The following EXOC4 variants were observed in gnomAD, a reference collection of about 807,000 sequenced individuals.
EXOC4 encodes the protein SEC8-like 1.
Under a neutral mutation model 107.2 loss-of-function variants are expected in EXOC4, and 71 were observed. That is an observed-to-expected ratio of 0.66 (90% CI 0.55 to 0.81). EXOC4 has a LOEUF of 0.81. EXOC4 is among the 30% of genes least tolerant of loss of function. EXOC4 has a pLI of 0.00. For synonymous variants in EXOC4, 456 were observed against 441.2 expected, an observed-to-expected ratio of 1.03 and a Z score of -0.42; for missense variants, 1,108 against 1,189.6, an observed-to-expected ratio of 0.93 and a Z score of 1.01.
intron 7 of EXOC4, among the ~76,000 whole-genome samples, chr7:133,439,624 A>T (rs551993704): frequency 1.3e-5 from 2 of 152,336 alleles, no homozygotes; most frequent in Admixed American, 6.5e-5. Flanking sequence ...ATTTGTGAGG[A>T]TAATGATACC....
chr7:134,060,739 T>G (rs1796037540), intron 17 of EXOC4, among the ~76,000 whole-genome samples: 1 of 152,202 alleles, frequency 6.6e-6, no homozygotes, highest in African/African-American at 2.4e-5. Flanking sequence ...ACTGTTGCTG[T>G]GTCAGTTTAG....
chr7:133,912,237 T>A (rs975388788), intron 12 of EXOC4, among the ~76,000 whole-genome samples: 1 of 152,120 alleles, frequency 6.6e-6, no homozygotes, highest in Admixed American at 6.5e-5. Context: ...AAGGGAGAGA[T>A]CATTGTAGGC....
At chr7:133,982,474 C>T (rs530513870) in intron 14 of EXOC4, among the ~76,000 whole-genome samples, 12 of 152,248 alleles carry the variant, frequency 7.9e-5, no homozygotes, top group African/African-American at 2.6e-4. Flanking sequence ...ACGGCATGAA[C>T]CCGGGAGGTG....
chr7:133,668,400 G>GT (rs1437170857), intron 10 of EXOC4, among the ~76,000 whole-genome samples: 2 of 152,108 alleles, frequency 1.3e-5, no homozygotes, highest in Admixed American at 6.5e-5. Flanking sequence ...TAACAATATA[G>GT]TTTTTTTCTT....
chr7:133,474,858 C>G (rs1352441732), intron 7 of EXOC4, among the ~76,000 whole-genome samples: 1 of 152,106 alleles, frequency 6.6e-6, no homozygotes, highest in South Asian at 2.1e-4. Flanking sequence ...ATTTCTTTAT[C>G]TATAATCTGT....
intron 10 of EXOC4, among the ~76,000 whole-genome samples, chr7:133,787,376 TGTGTGTGTGTGTGA>T (rs1253382023): frequency 0.02 from 430 of 21,564 alleles, 5 homozygotes; most frequent in African/African-American, 0.1. Flanking sequence ...TGTGTGTGTG[TGTGTGTGTGTGTGA>T]GATGAGGTCT....
At chr7:133,747,576 T>C (rs927746033) in intron 10 of EXOC4, among the ~76,000 whole-genome samples, 1 of 152,200 alleles carries the variant, frequency 6.6e-6, no homozygotes, top group Non-Finnish European at 1.5e-5. Context: ...GAAATTGATA[T>C]GCTGTATCAA....
chr7:133,502,534 G>T (rs908509346), intron 9 of EXOC4, among the ~76,000 whole-genome samples: 2 of 152,074 alleles, frequency 1.3e-5, no homozygotes, highest in Non-Finnish European at 2.9e-5. Context: ...GCTTTTTTGT[G>T]TGTGGGGGGA....
At chr7:133,530,573 G>A (rs1294176157) in intron 9 of EXOC4, among the ~76,000 whole-genome samples, 1 of 152,198 alleles carries the variant, frequency 6.6e-6, no homozygotes, top group African/African-American at 2.4e-5. Flanking sequence ...ACAGTGTGAT[G>A]TTGATGGAAA....
chr7:134,041,893 A>G (rs1051781397), intron 17 of EXOC4, among the ~76,000 whole-genome samples: 4 of 152,138 alleles, frequency 2.6e-5, no homozygotes, highest in Non-Finnish European at 4.4e-5. Context: ...AACAGTTACA[A>G]TCTTTATTTA....
At chr7:133,454,208 A>G (rs1201779777) in intron 7 of EXOC4, among the ~76,000 whole-genome samples, 2 of 152,298 alleles carry the variant, frequency 1.3e-5, no homozygotes, top group African/African-American at 4.8e-5. Context: ...TCCTTAATTC[A>G]TTTCTGAAAG....
At chr7:134,003,592 T>C (rs1402013561) in intron 15 of EXOC4, among the ~76,000 whole-genome samples, 1 of 152,142 alleles carries the variant, frequency 6.6e-6, no homozygotes, top group South Asian at 2.1e-4. Context: ...TAACAGAACA[T>C]AGACCCTGGA....
intron 9 of EXOC4, among the ~76,000 whole-genome samples, chr7:133,598,938 C>T (rs774054205): frequency 6.6e-6 from 1 of 152,012 alleles, no homozygotes; most frequent in African/African-American, 2.4e-5. Flanking sequence ...GAGCCAAGAT[C>T]GCGCCACTGC....
chr7:133,823,840 A>T (rs1389807537), intron 11 of EXOC4, among the ~76,000 whole-genome samples: 8 of 10,014 alleles, frequency 8.0e-4, no homozygotes, highest in Non-Finnish European at 1.3e-3. Context: ...ATATATATAT[A>T]TATTATATAT....
chr7:133,400,466 G>A (rs1045405067), intron 7 of EXOC4, among the ~76,000 whole-genome samples: 4 of 152,164 alleles, frequency 2.6e-5, no homozygotes, highest in Non-Finnish European at 5.9e-5. Context: ...ATAGTGACCA[G>A]TTATTTGGGA....
At chr7:133,605,817 T>A (rs1291235712) in intron 9 of EXOC4, among the ~76,000 whole-genome samples, 1 of 152,042 alleles carries the variant, frequency 6.6e-6, no homozygotes, top group Non-Finnish European at 1.5e-5. Flanking sequence ...TTAAATGAAA[T>A]CTGCTAGGGA....
chr7:133,977,768 T>G (rs562304174), intron 14 of EXOC4, among the ~76,000 whole-genome samples: 26 of 149,788 alleles, frequency 1.7e-4, no homozygotes, highest in South Asian at 1.7e-3. Context: ...GTGTGTGTGT[T>G]TGTTTGTTTT....
chr7:133,947,532 C>T (rs1011322189), intron 14 of EXOC4, among the ~76,000 whole-genome samples: 1 of 152,150 alleles, frequency 6.6e-6, no homozygotes, highest in Non-Finnish European at 1.5e-5. Context: ...TTCAAAACTA[C>T]AAAAACAAGG....
chr7:133,552,535 A>T (rs531809630), intron 9 of EXOC4, among the ~76,000 whole-genome samples: 16 of 152,210 alleles, frequency 1.1e-4, no homozygotes, highest in Non-Finnish European at 2.1e-4. Flanking sequence ...CATCTATATT[A>T]GGCATTACCT....
Sources: gnomAD v4.1 joint callset for allele counts (sites outside exome capture counted in the v4.1 genomes callset) on GRCh38, gnomAD v4.1.1 for gene constraint, MANE v1.5 for transcripts, NCBI Gene and HGNC (gene_info 2026-07-23, HGNC 2026-07-21) for gene names.